Variants in SPTAN1 observed in about 807,000 individuals in gnomAD.
SPTAN1 encodes the protein spectrin alpha chain, non-erythrocytic 1.
A neutral mutation model predicts 331.3 loss-of-function variants in SPTAN1; 61 were observed. The observed-to-expected ratio is 0.18, with a 90% CI of 0.15 to 0.23. The LOEUF is 0.23. Among genes scored for constraint, SPTAN1 ranks in the 10% least tolerant of loss-of-function variants. SPTAN1 has a pLI of 1.00. For missense variants in SPTAN1, 2,043 were observed against 3,147.9 expected, an observed-to-expected ratio of 0.65 and a Z score of 8.40; for synonymous variants, 1,153 against 1,173.9, an observed-to-expected ratio of 0.98 and a Z score of 0.36.
At chr9:128,604,918 A>G in intron 29 of SPTAN1, 116 bp from the exon 30 acceptor site, 1 of 1,140,330 alleles carries the variant, frequency 8.8e-7, no homozygotes, top group Non-Finnish European at 1.2e-6. Flanking sequence ...GGTGACAAGA[A>G]TGAAACTCCA....
At chr9:128,586,112 GTTTTTTTTTTT>G in intron 19 of SPTAN1, 147 bp downstream of exon 19, 14 of 265,406 alleles carry the variant, frequency 5.3e-5, no homozygotes, top group African/African-American at 4.6e-4. Context: ...TTTTCACTTG[GTTTTTTTTTTT>G]TTTTTTTTTT....
intron 51 of SPTAN1, chr9:128,628,322 A>G (rs1441366702): frequency 1.3e-5 from 5 of 390,322 alleles, no homozygotes; most frequent in South Asian, 4.1e-5. Context: ...CGAGTCCAAC[A>G]GTGGTCAGTG....
At chr9:128,624,843 C>T (rs1384736091) in intron 46 of SPTAN1, 7 of 579,874 alleles carry the variant, frequency 1.2e-5, no homozygotes, top group East Asian at 3.0e-5. Context: ...AAACTGGGTC[C>T]GGATATCGGG....
In SPTAN1 at chr9:128,575,110, C is replaced by T. The variant is rs2297768; in HGVS notation, c.505-89C>T. 1,318,798 of 1,557,822 alleles carry T rather than the reference C, an allele frequency of 0.85. 571,333 individuals carry two copies. Among genetic ancestry groups the T allele is most frequent in the Non-Finnish European group, 0.9 (1,017,039 of 1,130,142 alleles). ...GTATCCATTAAAGCTAACATGGCTC[C>T]GTCCCTAATGTGTCTGTTTGATGTT... On this transcript the variant is annotated intron_variant, in intron 4 of 56. Transcript: ENST00000372739.
chr9:128,610,565 T>C (rs1307580109), intron 37 of SPTAN1, among the ~76,000 whole-genome samples: 1 of 152,090 alleles, frequency 6.6e-6, no homozygotes, highest in Admixed American at 6.5e-5. Flanking sequence ...AGTTGTTTTT[T>C]TTTTGCCCCC....
intron 31 of SPTAN1, among the ~76,000 whole-genome samples, 187 bp downstream of exon 31, chr9:128,605,664 C>T (rs981189333): frequency 2.6e-5 from 4 of 152,084 alleles, no homozygotes; most frequent in African/African-American, 7.2e-5. Flanking sequence ...GGCTACATGG[C>T]GAAACCCTAT....
At chr9:128,581,920 A>C in intron 12 of SPTAN1, 28 bp downstream of exon 12, 2 of 1,491,684 alleles carry the variant, frequency 1.3e-6, no homozygotes, top group Non-Finnish European at 1.9e-6. Flanking sequence ...CAGTGCTTTC[A>C]AATGACCCTT....
At position 128,581,763 on chromosome 9, in the gene SPTAN1, C is replaced by T; in HGVS notation, c.1462-19C>T. On this transcript the variant is annotated intron_variant, in intron 11 of 56. Coordinates refer to ENST00000372739, the MANE Select transcript of SPTAN1 (RefSeq NM_001130438.3). ...AAGGAATAGGACATTATTCTGAACA[C>T]TTTGTTTCCTTTGGCAAGGCGTTCC... The T allele has an allele frequency of 6.3e-7, 1 of 1,586,988 alleles. No individual in the cohort carries two copies. The highest frequency in any genetic ancestry group is 8.7e-7 in the Non-Finnish European group (1 of 1,155,204).
intron 31 of SPTAN1, among the ~76,000 whole-genome samples, chr9:128,606,444 G>T (rs1217916050): frequency 7.0e-6 from 1 of 142,030 alleles, no homozygotes; most frequent in Admixed American, 7.4e-5. Flanking sequence ...TCATCTCCTT[G>T]CCATATGACA....
intron 31 of SPTAN1, among the ~76,000 whole-genome samples, chr9:128,606,188 G>T (rs1483836852): frequency 6.6e-6 from 1 of 151,116 alleles, no homozygotes; most frequent in Non-Finnish European, 1.5e-5. Context: ...TGGCCAATAT[G>T]GTGAAACCCC....
chr9:128,625,827 C>G lies in SPTAN1; in HGVS notation c.6128C>G (p.Ala2043Gly), dbSNP rs755962640. The G allele has an allele frequency of 6.2e-7, 1 of 1,614,172 alleles. No individual in the cohort carries two copies. The highest frequency in any genetic ancestry group is 1.1e-5 in the South Asian group (1 of 91,090). ...FQQEGIANIT[A>G]LKDQLLAAKH... ...CAGGAAGGCATTGCCAACATCACTGCCCTCAAAGATCAGCTTCTCGCCGCC... is the reference window on the plus strand; with the variant it reads ...CAGGAAGGCATTGCCAACATCACTGGCCTCAAAGATCAGCTTCTCGCCGCC... The change falls in exon 48 of 57, where the codon GCC becomes GGC. Residue 2043 changes from alanine (A) to glycine (G), a missense_variant. Around this residue, in one of 12 missense-constraint regions of SPTAN1, gnomAD observed 256 missense variants for 376.4 expected, o/e 0.68. Transcript: ENST00000372739. This position sits in a 1 kb window ranked among gnomAD's most constrained non-coding sequence, Gnocchi z 4.1.
In SPTAN1 at chr9:128,632,962, G is replaced by A. The variant is rs373772795; in HGVS notation, c.7308+7G>A. The A allele has an allele frequency of 8.1e-6, 13 of 1,611,066 alleles. No homozygotes were observed. Among genetic ancestry groups the A allele is most frequent in the Middle Eastern group, 1.7e-4 (1 of 6,060 alleles). ...CAAGGAGGAGCTCTACCAGGTATGG[G>A]CCTCAGGAGGTGGGTGAAGAGGTGT... On this transcript the variant is annotated splice_region_variant and intron_variant, in intron 56 of 56. Transcript: ENST00000372739.
intron 10 of SPTAN1, among the ~76,000 whole-genome samples, chr9:128,580,647 C>G (rs1234274048): frequency 6.6e-6 from 1 of 152,098 alleles, no homozygotes; most frequent in Non-Finnish European, 1.5e-5. Context: ...TAAATGGATG[C>G]CCTATTTCTT....
In SPTAN1 at chr9:128,593,003, C is replaced by T; in HGVS notation, c.3176C>T (p.Ala1059Val). 2 of 1,609,698 alleles carry T rather than the reference C, an allele frequency of 1.2e-6. No individual in the cohort carries two copies. The highest frequency in any genetic ancestry group is 1.7e-6 in the Non-Finnish European group (2 of 1,177,848). The change falls in exon 23 of 57, where the codon GCC becomes GTC. Residue 1059 changes from alanine (A) to valine (V), a missense_variant. Transcript: ENST00000372739. ...TGCAGGACACGCATAACTAAGGAGG[C>T]CGGCAGTGTATCTCTGCGTATGAAG... ...IDNQTRITKEAGSVSLRMKQV... is the reference protein window; with the variant it reads ...IDNQTRITKEVGSVSLRMKQV...
intron 1 of SPTAN1, among the ~76,000 whole-genome samples, chr9:128,553,780 A>T (rs1848375677): frequency 6.6e-6 from 1 of 152,208 alleles, no homozygotes; most frequent in Non-Finnish European, 1.5e-5. Context: ...ATGTTATTTT[A>T]GAAAAACTTA....
At chr9:128,584,228 A>G in intron 16 of SPTAN1, 54 bp from the exon 17 acceptor site, 4 of 1,613,156 alleles carry the variant, frequency 2.5e-6, no homozygotes, top group Non-Finnish European at 8.5e-7. Context: ...TTTTCTCTGT[A>G]TACGATAAAA....
At position 128,603,564 on chromosome 9, in the gene SPTAN1, AC is replaced by A; in HGVS notation, c.3603del (p.Val1202TrpfsTer10). 1 of 1,614,174 alleles carries A rather than the reference AC, an allele frequency of 6.2e-7. No homozygotes were observed. On this transcript the variant is annotated frameshift_variant, in exon 28 of 57. Transcript: ENST00000372739. LOFTEE classifies it high-confidence loss of function. ...PWKSARLMVH[T>X]VATFNSIKEL... is the part of the protein sequence containing the mutation. ...CTAGTCTGCTCGTCTGATGGTTCAC[AC>A]CGTGGCCACCTTTAATTCCATCAAG...
At chr9:128,560,383 T>C (rs76508044) in intron 1 of SPTAN1, among the ~76,000 whole-genome samples, 7 of 125,956 alleles carry the variant, frequency 5.6e-5, no homozygotes, top group South Asian at 2.5e-4. Flanking sequence ...CGTGCCCGCC[T>C]TTTTTTTTTT....
chr9:128,617,581 C>A, intron 41 of SPTAN1, 59 bp from the exon 42 acceptor site: 31 of 1,612,832 alleles, frequency 1.9e-5, no homozygotes, highest in Non-Finnish European at 2.4e-5. Context: ...ACCTGATGTC[C>A]CCACTTGAAA....
Sources: gnomAD v4.1 joint callset for allele counts (sites outside exome capture counted in the v4.1 genomes callset) on GRCh38, gnomAD v4.1.1 for gene constraint, gnomAD v4.1.1 regional missense constraint, Gnocchi (gnomAD v3.1) non-coding constraint, MANE v1.5 for transcripts, NCBI Gene and HGNC (gene_info 2026-07-23, HGNC 2026-07-21) for gene names.